Variants in CDH12 observed in about 807,000 individuals in gnomAD.
The protein encoded by CDH12 is cadherin-12.
Under a neutral mutation model 74.1 loss-of-function variants are expected in CDH12, and 41 were observed. That is an observed-to-expected ratio of 0.55 (90% CI 0.43 to 0.72). The LOEUF is 0.72. Among genes scored for constraint, CDH12 ranks in the 30% least tolerant of loss-of-function variants. The pLI is 0.00. For synonymous variants in CDH12, 399 were observed against 355.0 expected (o/e 1.12, Z -1.39); for missense variants, 945 against 977.2 (o/e 0.97, Z 0.44).
intron 1 of CDH12, among the ~76,000 whole-genome samples, chr5:22,672,554 C>A (rs1178328043): frequency 6.6e-6 from 1 of 152,156 alleles, no homozygotes; most frequent in Non-Finnish European, 1.5e-5. Flanking sequence ...ACCATCCACC[C>A]TTCTGCCATG....
intron 5 of CDH12, among the ~76,000 whole-genome samples, chr5:22,031,833 T>A (rs1395910458): frequency 6.6e-6 from 1 of 152,018 alleles, no homozygotes; most frequent in Non-Finnish European, 1.5e-5. Flanking sequence ...ATTCCAACAG[T>A]AATGTCAAAG....
At chr5:22,450,698 T>C (rs1745006829) in intron 2 of CDH12, among the ~76,000 whole-genome samples, 1 of 151,880 alleles carries the variant, frequency 6.6e-6, no homozygotes, top group Non-Finnish European at 1.5e-5. Context: ...TTCAATGTTG[T>C]CTTTCCTCTG....
At chr5:21,967,498 CTG>C (rs1756638249) in intron 6 of CDH12, among the ~76,000 whole-genome samples, 1 of 152,102 alleles carries the variant, frequency 6.6e-6, no homozygotes, top group Non-Finnish European at 1.5e-5. Flanking sequence ...GTGAACCACT[CTG>C]TGGCCGAGAA....
At chr5:21,951,251 TTTA>T (rs1283516546) in intron 6 of CDH12, among the ~76,000 whole-genome samples, 1 of 152,096 alleles carries the variant, frequency 6.6e-6, no homozygotes, top group African/African-American at 2.4e-5. Context: ...TTAATATTTA[TTTA>T]TTTATTTATT....
intron 4 of CDH12, among the ~76,000 whole-genome samples, chr5:22,103,812 T>G (rs992322897): frequency 5.3e-5 from 8 of 152,312 alleles, no homozygotes; most frequent in Non-Finnish European, 1.2e-4. Context: ...GATTTTGTAG[T>G]GAATATTTAT....
At chr5:22,624,992 G>C (rs1158596459) in intron 1 of CDH12, among the ~76,000 whole-genome samples, 1 of 152,204 alleles carries the variant, frequency 6.6e-6, no homozygotes, top group Admixed American at 6.5e-5. Flanking sequence ...AAAAAAGGGT[G>C]AGTTCATGTC....
chr5:22,382,229 T>A (rs1002039139), intron 3 of CDH12, among the ~76,000 whole-genome samples: 20 of 146,364 alleles, frequency 1.4e-4, no homozygotes, highest in Middle Eastern at 3.6e-3. Flanking sequence ...ATATAATATT[T>A]TATATATTAT....
At chr5:22,527,136 C>T (rs562421817) in intron 1 of CDH12, among the ~76,000 whole-genome samples, 80 of 152,232 alleles carry the variant, frequency 5.3e-4, no homozygotes, top group Admixed American at 2.3e-3. Context: ...TTGTACCAAG[C>T]ACAGTTCAAC....
At position 21,833,038 on chromosome 5, in the gene CDH12, T is replaced by C. The variant is rs180694797; in HGVS notation, c.814+9123A>G. ...ATATGATATAATATATAATATATAA[T>C]ATATAATATATATTATATGTTATAT... On this transcript the variant is annotated intron_variant, in intron 8 of 14. Coordinates refer to ENST00000382254, the MANE Select transcript of CDH12 (RefSeq NM_004061.5). 2.7e-4 allele frequency among the ~76,000 whole-genome samples: 18 copies of C among 67,182 alleles called. 1 individual carries two copies. Among genetic ancestry groups the C allele is most frequent in the East Asian group, 9.8e-4 (2 of 2,044 alleles). The allele number at this position is 67,182 out of a possible 152,430, so 44.1% of individuals were successfully genotyped here. A position where few individuals can be genotyped will look rare whatever the true frequency, so the allele number is the denominator to read the frequency against.
chr5:21,949,449 CAA>C (rs201292632), intron 6 of CDH12, among the ~76,000 whole-genome samples: 10,953 of 83,612 alleles, frequency 0.13, 1,130 homozygotes, highest in African/African-American at 0.32. Flanking sequence ...GACTCTGTCT[CAA>C]AAAAAAAAAA....
chr5:21,945,427 CAAAAAAAAA>C lies in CDH12; in HGVS notation c.526+29655_526+29663del, dbSNP rs1167475672. Among the ~76,000 whole-genome samples, 61 of 15,522 alleles carry C rather than the reference CAAAAAAAAA, an allele frequency of 3.9e-3. 2 individuals carry two copies. The South Asian group carries it at 0.064, about 16-fold the overall frequency. The allele number at this position is 15,522 out of a possible 152,430, so 10.2% of individuals were successfully genotyped here. ...GGCAACAGAGTGAGACTGTTTCAGA[CAAAAAAAAA>C]AAAAAAAAAAAAAAAAAAAAAAGAG... On this transcript the variant is annotated intron_variant, in intron 6 of 14. Transcript: ENST00000382254.
intron 6 of CDH12, among the ~76,000 whole-genome samples, chr5:21,865,563 A>T (rs933261039): frequency 2.0e-5 from 3 of 151,916 alleles, no homozygotes; most frequent in Admixed American, 6.6e-5. Context: ...CTATCTAGGG[A>T]CTCTGCTTCC....
At chr5:22,279,135 A>G (rs1279269477) in intron 3 of CDH12, among the ~76,000 whole-genome samples, 1 of 152,160 alleles carries the variant, frequency 6.6e-6, no homozygotes, top group Non-Finnish European at 1.5e-5. Flanking sequence ...ATATGCTTTT[A>G]CCACTCAAAA....
Position 22,625,181 on chromosome 5 carries a change from G to C in CDH12, c.-522-119817C>G, listed in dbSNP as rs966637902. Among the ~76,000 whole-genome samples, 40 of 151,916 alleles carry C rather than the reference G, an allele frequency of 2.6e-4. 1 individual carries two copies. The highest frequency in any genetic ancestry group is 2.5e-4 in the Non-Finnish European group (17 of 68,008). The stretch of plus-strand genomic sequence containing the variant: ...GTCTTGGGTTGTGGGGAGCGGGGAG[G>C]GATAGAATTAGGAGATATACCTAAT... On this transcript the variant is annotated intron_variant, in intron 1 of 14. Transcript: ENST00000382254.
At chr5:22,152,539 C>T (rs1185791065) in intron 4 of CDH12, among the ~76,000 whole-genome samples, 3 of 152,106 alleles carry the variant, frequency 2.0e-5, no homozygotes, top group African/African-American at 4.8e-5. Flanking sequence ...CCACGTACAA[C>T]ATGAAATTTT....
intron 4 of CDH12, among the ~76,000 whole-genome samples, chr5:22,111,015 C>T (rs570202015): frequency 6.6e-6 from 1 of 152,314 alleles, no homozygotes; most frequent in South Asian, 2.1e-4. Context: ...AAGGCAGTTT[C>T]AGTGGCATAT....
In CDH12 at chr5:22,020,167, G is replaced by A. The variant is rs368240455; in HGVS notation, c.232-44782C>T. On this transcript the variant is annotated intron_variant, in intron 5 of 14. Coordinates refer to ENST00000382254, the MANE Select transcript of CDH12 (RefSeq NM_004061.5). ...TATGGAATAATGACTGCAAGACAGG[G>A]TATGTTAGTTGGCTTGGGCTGCCAT... is the stretch of plus-strand genomic sequence containing the variant. Among the ~76,000 whole-genome samples, 6 of 152,256 alleles carry A rather than the reference G, an allele frequency of 3.9e-5. No individual in the cohort carries two copies. In the East Asian group the frequency reaches 1.2e-3, roughly 29 times the overall value.
At chr5:22,687,216 C>T (rs527290118) in intron 1 of CDH12, among the ~76,000 whole-genome samples, 1 of 151,978 alleles carries the variant, frequency 6.6e-6, no homozygotes, top group East Asian at 1.9e-4. Context: ...ATCGTTTGAA[C>T]CAGGGAGTCG....
chr5:22,284,599 C>T (rs1050515317), intron 3 of CDH12, among the ~76,000 whole-genome samples: 2 of 152,150 alleles, frequency 1.3e-5, no homozygotes, highest in African/African-American at 2.4e-5. Flanking sequence ...GAAATAGAGT[C>T]TGTTAGCATG....
Sources: allele counts gnomAD v4.1 joint callset (sites outside exome capture counted in the v4.1 genomes callset), GRCh38; gene constraint gnomAD v4.1.1; transcripts MANE v1.5; gene names NCBI Gene and HGNC (gene_info 2026-07-23, HGNC 2026-07-21).